OLAH: variants seen among roughly 807,000 people sequenced by gnomAD.
OLAH encodes oleoyl-ACP hydrolase, also known as S-acyl fatty acid synthase thioesterase, medium chain.
OLAH carries 33 observed loss-of-function variants against 27.8 expected under a neutral mutation model. The observed-to-expected ratio is 1.19, with a 90% CI of 0.90 to 1.59. OLAH has a LOEUF of 1.59. OLAH is among the 40% of genes most tolerant of loss of function. OLAH has a pLI of 0.00. For synonymous variants in OLAH, 120 were observed against 102.9 expected (o/e 1.17, Z -1.01); for missense variants, 359 against 310.8 (o/e 1.16, Z -1.17).
upstream of OLAH, among the ~76,000 whole-genome samples, chr10:15,042,007 G>C (rs1444438633): frequency 2.0e-5 from 3 of 151,750 alleles, no homozygotes; most frequent in Admixed American, 1.3e-4. Context: ...GTGTTTAAAT[G>C]CTAGTGATTC....
intron 6 of OLAH, among the ~76,000 whole-genome samples, chr10:15,070,348 G>C (rs553784764): frequency 1.3e-5 from 2 of 152,212 alleles, no homozygotes; most frequent in South Asian, 4.1e-4. Flanking sequence ...GGTGTACCTT[G>C]TTTGATCTTT....
chr10:15,068,461 C>T (rs1844509755), intron 6 of OLAH, among the ~76,000 whole-genome samples: 1 of 152,156 alleles, frequency 6.6e-6, no homozygotes, highest in Non-Finnish European at 1.5e-5. Flanking sequence ...GGCGCGATCT[C>T]AGCTCACTGC....
In OLAH at chr10:15,073,133, A is replaced by G; in HGVS notation, c.702A>G (p.Pro234=). The change falls in exon 8 of 8, where the codon CCA becomes CCG. Residue 234 remains proline (P), a synonymous_variant. Coordinates refer to ENST00000378228, the MANE Select transcript of OLAH (RefSeq NM_001039702.3). ...GAAATGCTAAAATTTACCAGCTTCC[A>G]GGGGGTCACTTTTATCTTCTGGATC... ...TSGNAKIYQL[P]GGHFYLLDPA... The G allele has an allele frequency of 6.2e-7, 1 of 1,613,460 alleles. No homozygotes were observed. The highest frequency in any genetic ancestry group is 2.2e-5 in the East Asian group (1 of 44,868).
intron 3 of OLAH, among the ~76,000 whole-genome samples, chr10:15,050,892 A>G (rs1444640999): frequency 1.3e-5 from 2 of 151,906 alleles, no homozygotes; most frequent in African/African-American, 4.8e-5. Flanking sequence ...CTCTATAATA[A>G]TAATATTTAA....
At chr10:15,071,374 G>A (rs1844583314) in intron 6 of OLAH, among the ~76,000 whole-genome samples, 1 of 152,196 alleles carries the variant, frequency 6.6e-6, no homozygotes, top group African/African-American at 2.4e-5. Context: ...TGCCCCTAGT[G>A]TCTAGTGCAG....
At chr10:15,034,763 A>G (rs924023883) in intron 1 of OLAH, among the ~76,000 whole-genome samples, 5 of 150,646 alleles carry the variant, frequency 3.3e-5, no homozygotes, top group Non-Finnish European at 7.4e-5. Flanking sequence ...GAAGCATAAG[A>G]CTGTACTGCA....
intron 6 of OLAH, among the ~76,000 whole-genome samples, chr10:15,069,119 T>C (rs779038763): frequency 8.5e-5 from 13 of 152,168 alleles, no homozygotes; most frequent in Non-Finnish European, 1.3e-4. Flanking sequence ...ATCTAGATAG[T>C]CTGAAGCATG....
rs780009379 is a variant in OLAH, at chr10:15,065,590, G to C, written c.409G>C (p.Ala137Pro). The change falls in exon 6 of 8, where the codon GCC becomes CCC. Residue 137 changes from alanine to proline, a missense_variant. Ala to Pro is a conservative substitution (Grantham distance 27, BLOSUM62 -1). Transcript: ENST00000378228. ...TTGTTGTTCATGTTTCAAGTCAAAG[G>C]CCTGGCATCGCATTCCCAAAGATGA... Reference protein sequence around the residue: ...LSSATPVHSKAWHRIPKDDEL... With the variant: ...LSSATPVHSKPWHRIPKDDEL... The C allele has an allele frequency of 3.1e-6, 5 of 1,609,872 alleles. No individual in the cohort carries two copies. The highest frequency in any genetic ancestry group is 1.7e-5 in the Admixed American group (1 of 58,872).
At chr10:15,054,853 GA>G (rs1421365637) in intron 3 of OLAH, among the ~76,000 whole-genome samples, 1 of 152,118 alleles carries the variant, frequency 6.6e-6, no homozygotes, top group Non-Finnish European at 1.5e-5. Context: ...TTTCTATGAA[GA>G]ATTTTACATT....
chr10:15,041,467 G>A (rs1056457072), upstream of OLAH, among the ~76,000 whole-genome samples: 3 of 151,880 alleles, frequency 2.0e-5, no homozygotes, highest in African/African-American at 4.8e-5. Context: ...TAGTAGAGAC[G>A]GGGTTTCTCC....
Position 15,062,621 on chromosome 10 carries a change from A to G in OLAH, c.302+759A>G, listed in dbSNP as rs574917316. On this transcript the variant is annotated intron_variant, in intron 4 of 7. Coordinates refer to ENST00000378228, the MANE Select transcript of OLAH (RefSeq NM_001039702.3). ...AATTAAATATATTTATATTATTGCC[A>G]TAAATATCTTTCACATCCTGTAAGT... Among the ~76,000 whole-genome samples, 20 of 151,464 alleles carry G rather than the reference A, an allele frequency of 1.3e-4. 1 individual carries two copies. In the South Asian group the frequency reaches 1.5e-3, roughly 11 times the overall value.
chr10:15,065,933 T>C (rs1319048569), intron 6 of OLAH, among the ~76,000 whole-genome samples, 180 bp downstream of exon 6: 2 of 152,146 alleles, frequency 1.3e-5, no homozygotes, highest in Non-Finnish European at 2.9e-5. Context: ...GGCACAGAAA[T>C]TGTATCTGTA....
At chr10:15,051,186 C>T (rs1364713818) in intron 3 of OLAH, among the ~76,000 whole-genome samples, 1 of 151,610 alleles carries the variant, frequency 6.6e-6, no homozygotes, top group Non-Finnish European at 1.5e-5. Flanking sequence ...AGCGATTCTC[C>T]TGCCTCAGCC....
At chr10:15,040,827 C>T (rs1348863452), upstream of OLAH, among the ~76,000 whole-genome samples, 1 of 152,184 alleles carries the variant, frequency 6.6e-6, no homozygotes, top group Non-Finnish European at 1.5e-5. Flanking sequence ...GTGATGATTA[C>T]AAGAATCCTC....
At chr10:15,057,024 C>T (rs752962792) in intron 3 of OLAH, 1 of 1,359,498 alleles carries the variant, frequency 7.4e-7, no homozygotes, top group East Asian at 3.0e-5. Context: ...TTTGTGCCAC[C>T]TTTCTTTTTA....
At chr10:15,053,200 C>T (rs1438986129) in intron 3 of OLAH, among the ~76,000 whole-genome samples, 1 of 152,054 alleles carries the variant, frequency 6.6e-6, no homozygotes, top group African/African-American at 2.4e-5. Context: ...GCCCCTCCAC[C>T]CCCAGCCAGG....
At chr10:15,063,678 G>A (rs973758344) in intron 4 of OLAH, among the ~76,000 whole-genome samples, 1 of 152,024 alleles carries the variant, frequency 6.6e-6, no homozygotes, top group Non-Finnish European at 1.5e-5. Context: ...TGATATATCT[G>A]GCGATATTTA....
rs572470516 is a variant in OLAH, at chr10:15,073,478, G to A, written c.*249G>A. The A allele has an allele frequency of 1.3e-4, 40 of 302,826 alleles. No homozygotes were observed. Among genetic ancestry groups the A allele is most frequent in the African/African-American group, 7.0e-4 (31 of 44,344 alleles). 18.8% of individuals were successfully genotyped at this position (302,826 alleles called of 1,614,324 possible). On this transcript the variant is annotated 3_prime_UTR_variant, in exon 8 of 8. Transcript: ENST00000378228. The stretch of plus-strand genomic sequence containing the variant: ...GATCGAGACCGTCCTGGCTAACACC[G>A]TGAAACCCCATCTCTACTAAAAATA...
intron 7 of OLAH, among the ~76,000 whole-genome samples, chr10:15,072,289 C>T (rs902612721): frequency 2.6e-5 from 4 of 151,790 alleles, no homozygotes; most frequent in African/African-American, 4.8e-5. Flanking sequence ...TATATATTTA[C>T]GTTCGATGAT....
Sources: gnomAD v4.1 joint callset for allele counts (sites outside exome capture counted in the v4.1 genomes callset) on GRCh38, gnomAD v4.1.1 for gene constraint, MANE v1.5 for transcripts, NCBI Gene and HGNC (gene_info 2026-07-23, HGNC 2026-07-21) for gene names.